The following FAM83B variants were observed in gnomAD, a reference collection of about 807,000 sequenced individuals.
The protein encoded by FAM83B is protein FAM83B.
A neutral mutation model predicts 38.8 loss-of-function variants in FAM83B; 26 were observed. That is an observed-to-expected ratio of 0.67 (90% CI 0.49 to 0.93). The LOEUF (loss-of-function observed/expected upper bound fraction) is 0.93, where lower values mean the gene tolerates loss of function less well. FAM83B is among the 40% of genes least tolerant of loss of function. The probability of loss-of-function intolerance (pLI) is 0.00; values close to 1 mark genes in which losing one functional copy is unlikely to be tolerated. For synonymous variants in FAM83B, 419 were observed against 423.1 expected (o/e 0.99, Z 0.12); for missense variants, 1,237 against 1,197.3 (o/e 1.03, Z -0.49).
chr6:54,875,682 T>G (rs1581893565), intron 2 of FAM83B, among the ~76,000 whole-genome samples: 6 of 137,096 alleles, frequency 4.4e-5, no homozygotes, highest in Non-Finnish European at 7.8e-5. Context: ...AGAGGGAAGG[T>G]GGAAGAAAGG....
intron 2 of FAM83B, among the ~76,000 whole-genome samples, chr6:54,871,253 A>G (rs1214004352): frequency 6.6e-6 from 1 of 152,106 alleles, no homozygotes; most frequent in Non-Finnish European, 1.5e-5. Flanking sequence ...TCTTTATCAA[A>G]TATTTATATT....
intron 2 of FAM83B, among the ~76,000 whole-genome samples, chr6:54,906,053 G>GA (rs61141294): frequency 0.017 from 2,160 of 128,858 alleles, 44 homozygotes; most frequent in African/African-American, 0.048. Context: ...CCTACTATTC[G>GA]AAAAAAAAAA....
intron 2 of FAM83B, among the ~76,000 whole-genome samples, chr6:54,880,441 CTTTTTTT>C (rs1180941250): frequency 3.8e-5 from 4 of 106,228 alleles, no homozygotes; most frequent in South Asian, 3.2e-4. Context: ...TAGAAGGTTT[CTTTTTTT>C]TTTTTTTTTT....
rs745590099 is a variant in FAM83B at position 54,941,422 on chromosome 6, A to G, written c.2451A>G (p.Pro817=). 5 of 1,613,112 alleles carry G rather than the reference A, an allele frequency of 3.1e-6. No individual in the cohort carries two copies. In the South Asian group the frequency reaches 5.5e-5, roughly 18 times the overall value. ...LVSEGEENQK[P]KKSDTKVDSS... ...CTGAGGGTGAAGAAAATCAAAAACC[A>G]AAGAAATCAGACACAAAAGTTGATT... The change falls in exon 5 of 5, where the codon CCA becomes CCG. Residue 817 remains proline, a synonymous_variant. Transcript: ENST00000306858.
rs796121618 is a variant in FAM83B at position 54,896,058 on chromosome 6, ATT to A, written c.444+25372_444+25373del. Among the ~76,000 whole-genome samples, 669 of 152,080 alleles carry A rather than the reference ATT, an allele frequency of 4.4e-3. 8 individuals carry two copies. The highest frequency in any genetic ancestry group is 0.015 in the African/African-American group (638 of 41,480). On this transcript the variant is annotated intron_variant, in intron 2 of 4. Coordinates refer to ENST00000306858, the MANE Select transcript of FAM83B (RefSeq NM_001010872.3). ...TGGGCCATGCCACCATGCCCAGCTA[ATT>A]TTTGTATTTTTAGTAGAGACAGGGT...
At chr6:54,892,842 G>A (rs887723930) in intron 2 of FAM83B, among the ~76,000 whole-genome samples, 3 of 152,042 alleles carry the variant, frequency 2.0e-5, no homozygotes, top group Non-Finnish European at 2.9e-5. Context: ...AAGTGCGGAT[G>A]GGGCTTAGTA....
At chr6:54,884,777 T>C (rs1165576839) in intron 2 of FAM83B, among the ~76,000 whole-genome samples, 2 of 47,440 alleles carry the variant, frequency 4.2e-5, no homozygotes, top group Non-Finnish European at 8.6e-5. Flanking sequence ...CCTCCAGTAT[T>C]TTTTTTTTTT....
rs990936401 is a variant in FAM83B, at chr6:54,941,365, T to C, written c.2394T>C (p.Tyr798=). 3.1e-6 allele frequency: 5 copies of C among 1,613,454 alleles called. No individual in the cohort carries two copies. The highest frequency in any genetic ancestry group is 2.2e-5 in the East Asian group (1 of 44,878). ...NLSKNKAPAF[Y]RLCSSSDTLV... is the part of the protein sequence containing the mutation. ...CCAAAAATAAAGCACCTGCCTTTTA[T>C]AGATTGTGTAGTAGCTCTGACACAT... Residue 798 remains tyrosine, a synonymous_variant, in exon 5 of 5, where the codon TAT becomes TAC. Coordinates refer to ENST00000306858, the MANE Select transcript of FAM83B (RefSeq NM_001010872.3).
intron 2 of FAM83B, among the ~76,000 whole-genome samples, chr6:54,908,272 AT>A (rs541224903): frequency 2.7e-3 from 407 of 151,440 alleles, no homozygotes; most frequent in Non-Finnish European, 4.7e-3. Context: ...TCTTTCCTCT[AT>A]TTTTTTATTA....
rs537778431 is a variant in FAM83B, at chr6:54,866,920, A to G, written c.-60-3267A>G. On this transcript the variant is annotated intron_variant, in intron 1 of 4. Transcript: ENST00000306858. ...ATATCCTTTGTATTTATAGAATTTC[A>G]GTGGAATTTCTACTTGATACAAATG... 6.6e-4 allele frequency among the ~76,000 whole-genome samples: 100 copies of G among 152,172 alleles called. 2 individuals carry two copies. Among genetic ancestry groups the G allele is most frequent in the African/African-American group, 2.4e-3 (98 of 41,554 alleles).
At chr6:54,890,127 A>AC (rs1392701691) in intron 2 of FAM83B, among the ~76,000 whole-genome samples, 8 of 152,238 alleles carry the variant, frequency 5.3e-5, no homozygotes, top group Non-Finnish European at 5.9e-5. Flanking sequence ...ATTGTAGAAC[A>AC]CATAGGTTTG....
chr6:54,846,648 C>T (rs925448135), upstream of FAM83B: 1 of 152,272 alleles, frequency 6.6e-6, no homozygotes, highest in African/African-American at 2.4e-5. Context: ...TCCAGCGCTG[C>T]ACCTTGTCTC....
chr6:54,883,655 A>AT (rs984256501), intron 2 of FAM83B, among the ~76,000 whole-genome samples: 3 of 151,044 alleles, frequency 2.0e-5, no homozygotes, highest in Non-Finnish European at 3.0e-5. Context: ...AAACTAGGTT[A>AT]TTTTTCTTTT....
chr6:54,936,867 GA>G (rs1483073163), intron 4 of FAM83B, among the ~76,000 whole-genome samples: 4 of 149,344 alleles, frequency 2.7e-5, no homozygotes, highest in Admixed American at 1.3e-4. Context: ...TAGTCAGATT[GA>G]AAATTTCTTT....
At position 54,940,662 on chromosome 6, in the gene FAM83B, C is replaced by CA; in HGVS notation, c.1694dup (p.Asn565LysfsTer11). 6.2e-7 allele frequency: 1 copy of CA among 1,614,054 alleles called. No individual in the cohort carries two copies. The highest frequency in any genetic ancestry group is 8.5e-7 in the Non-Finnish European group (1 of 1,180,016). On this transcript the variant is annotated frameshift_variant, in exon 5 of 5. Coordinates refer to ENST00000306858, the MANE Select transcript of FAM83B (RefSeq NM_001010872.3). LOFTEE classifies it low-confidence loss of function (END_TRUNC). The stretch of plus-strand genomic sequence containing the variant: ...GTTAACAGTTGTACAACTGGCTCCT[C>CA]AAATTCAACTATCATTGGTTCTCAG...
intron 2 of FAM83B, among the ~76,000 whole-genome samples, chr6:54,874,895 C>G (rs1028150494): frequency 3.1e-4 from 47 of 152,028 alleles, no homozygotes; most frequent in Admixed American, 2.6e-3. Context: ...TTACTGAGTT[C>G]CTGGGTGTGT....
chr6:54,895,476 T>A (rs2127581129), intron 2 of FAM83B, among the ~76,000 whole-genome samples: 1 of 152,322 alleles, frequency 6.6e-6, no homozygotes, highest in East Asian at 1.9e-4. Context: ...TACTACTTTT[T>A]AAACTTTTTA....
At chr6:54,871,073 A>G (rs957639260) in intron 2 of FAM83B, among the ~76,000 whole-genome samples, 1 of 152,178 alleles carries the variant, frequency 6.6e-6, no homozygotes, top group Non-Finnish European at 1.5e-5. Flanking sequence ...CTTTGTTTTT[A>G]ACAGGACTGA....
intron 2 of FAM83B, among the ~76,000 whole-genome samples, chr6:54,907,629 AT>A (rs5876412): frequency 0.23 from 35,036 of 150,588 alleles, 5,165 homozygotes; most frequent in African/African-American, 0.42. Flanking sequence ...TTTTATGAAG[AT>A]TTTTTTTTAA....
Sources: allele counts gnomAD v4.1 joint callset (sites outside exome capture counted in the v4.1 genomes callset), GRCh38; gene constraint gnomAD v4.1.1; transcripts MANE v1.5; gene names NCBI Gene and HGNC (gene_info 2026-07-23, HGNC 2026-07-21).